The following LRRC4C variants were observed in gnomAD, a reference collection of about 807,000 sequenced individuals.
The protein encoded by LRRC4C is leucine rich repeat containing 4C, also known as leucine-rich repeat-containing protein 4C.
In LRRC4C, 5 loss-of-function variants were observed where a neutral mutation model predicts 33.6. The ratio of observed to expected loss-of-function variants is 0.15; its 90% CI spans 0.08 to 0.31. The LOEUF is 0.31. Among genes scored for constraint, LRRC4C ranks in the 10% least tolerant of loss-of-function variants. The pLI, the probability that LRRC4C is intolerant of heterozygous loss-of-function variation, is 1.00. For synonymous variants in LRRC4C, 329 were observed against 302.0 expected, an observed-to-expected ratio of 1.09 and a Z score of -0.93; for missense variants, 560 against 796.7, an observed-to-expected ratio of 0.70 and a Z score of 3.58.
Position 40,249,596 on chromosome 11 carries a change from T to C in LRRC4C, c.-175-7998A>G, listed in dbSNP as rs1318942221. Among the ~76,000 whole-genome samples, 3 of 150,264 alleles carry C rather than the reference T, an allele frequency of 2.0e-5. No individual in the cohort carries two copies. The East Asian group carries it at 5.8e-4, about 29-fold the overall frequency. On this transcript the variant is annotated intron_variant, in intron 4 of 6. Transcript: ENST00000528697. ...TAATCATATATGTATATATATGAAA[T>C]ATATTGTATATATGTATGCGTATAC...
chr11:40,538,722 G>C (rs973598586), intron 3 of LRRC4C, among the ~76,000 whole-genome samples: 1 of 152,210 alleles, frequency 6.6e-6, no homozygotes, highest in Non-Finnish European at 1.5e-5. Context: ...TTGCCACACT[G>C]TCTTCCACAG....
intron 1 of LRRC4C, among the ~76,000 whole-genome samples, chr11:41,411,338 C>A (rs2862304): frequency 1.3e-5 from 2 of 150,572 alleles, no homozygotes; most frequent in Non-Finnish European, 3.0e-5. Flanking sequence ...TTAGTGGAGA[C>A]GGGGTTTCAC....
chr11:41,082,934 C>T (rs374266237), intron 1 of LRRC4C, among the ~76,000 whole-genome samples: 2 of 152,104 alleles, frequency 1.3e-5, no homozygotes, highest in Admixed American at 6.5e-5. Context: ...TCCTTTTTCA[C>T]CAATGAGTGG....
At chr11:40,179,772 C>T (rs1356649731) in intron 5 of LRRC4C, among the ~76,000 whole-genome samples, 2 of 152,180 alleles carry the variant, frequency 1.3e-5, no homozygotes, top group East Asian at 1.9e-4. Flanking sequence ...CTAAAGCATA[C>T]AACCTCATAA....
chr11:40,363,567 G>GT (rs1270841429), intron 3 of LRRC4C, among the ~76,000 whole-genome samples: 3 of 150,252 alleles, frequency 2.0e-5, no homozygotes, highest in Admixed American at 2.0e-4. Context: ...TAAAATAAAA[G>GT]TAAAAAAAAA....
intron 1 of LRRC4C, among the ~76,000 whole-genome samples, chr11:41,157,877 G>T (rs896570872): frequency 4.0e-5 from 6 of 151,734 alleles, no homozygotes; most frequent in African/African-American, 1.5e-4. Flanking sequence ...CATCCCCCAA[G>T]CGTTTATCCA....
intron 1 of LRRC4C, among the ~76,000 whole-genome samples, chr11:41,144,917 C>T (rs1485325963): frequency 1.3e-5 from 2 of 152,094 alleles, no homozygotes; most frequent in Non-Finnish European, 2.9e-5. Context: ...GTTTTGAAGG[C>T]TAAGACTAGA....
At chr11:40,731,244 G>A (rs1040694012) in intron 2 of LRRC4C, among the ~76,000 whole-genome samples, 13 of 152,028 alleles carry the variant, frequency 8.6e-5, no homozygotes, top group African/African-American at 2.9e-4. Context: ...GCGTGAACCC[G>A]GGAGGCGGAG....
At position 40,947,566 on chromosome 11, in the gene LRRC4C, A is replaced by G. The variant is rs182014571; in HGVS notation, c.-495-13843T>C. ...AACCAAAGAGTGAGTGTAGGGCACT[A>G]TCCCCTCTCTTCTTATGGTGTTTTT... is the stretch of plus-strand genomic sequence containing the variant. On this transcript the variant is annotated intron_variant, in intron 1 of 6. Coordinates refer to ENST00000528697, the MANE Select transcript of LRRC4C (RefSeq NM_001258419.2). Among the ~76,000 whole-genome samples, 279 of 152,126 alleles carry G rather than the reference A, an allele frequency of 1.8e-3. 1 individual carries two copies. The highest frequency in any genetic ancestry group is 6.3e-3 in the African/African-American group (260 of 41,522).
intron 2 of LRRC4C, among the ~76,000 whole-genome samples, chr11:40,848,514 T>A (rs1953313268): frequency 6.6e-6 from 1 of 152,174 alleles, no homozygotes; most frequent in South Asian, 2.1e-4. Context: ...AGAGTCAGTT[T>A]TTTATGATTT....
chr11:41,030,009 C>T (rs377515206), intron 1 of LRRC4C, among the ~76,000 whole-genome samples: 10 of 151,806 alleles, frequency 6.6e-5, no homozygotes, highest in East Asian at 3.9e-4. Context: ...AAGCTTGATA[C>T]TGCAGGGTGA....
intron 1 of LRRC4C, among the ~76,000 whole-genome samples, chr11:41,177,000 A>T (rs1298491793): frequency 6.6e-6 from 1 of 151,208 alleles, no homozygotes; most frequent in Non-Finnish European, 1.5e-5. Flanking sequence ...AACAAAACAA[A>T]ACAAAACAAA....
intron 4 of LRRC4C, among the ~76,000 whole-genome samples, chr11:40,308,888 G>A (rs1378629468): frequency 6.6e-6 from 1 of 152,178 alleles, no homozygotes; most frequent in Non-Finnish European, 1.5e-5. Flanking sequence ...GGTTACATGA[G>A]CCAATAAAAC....
chr11:41,148,537 C>G (rs560105426), intron 1 of LRRC4C, among the ~76,000 whole-genome samples: 2 of 152,144 alleles, frequency 1.3e-5, no homozygotes, highest in South Asian at 4.1e-4. Context: ...AAATCTATGG[C>G]ACAGTTCTAG....
At chr11:40,440,575 A>G (rs1478425343) in intron 3 of LRRC4C, among the ~76,000 whole-genome samples, 1 of 152,180 alleles carries the variant, frequency 6.6e-6, no homozygotes, top group Non-Finnish European at 1.5e-5. Flanking sequence ...AAGAATTTTC[A>G]TATTCATTCT....
intron 1 of LRRC4C, among the ~76,000 whole-genome samples, chr11:40,978,681 G>T (rs1380209661): frequency 6.7e-6 from 1 of 150,366 alleles, no homozygotes; most frequent in Non-Finnish European, 1.5e-5. Context: ...GAGTGCAGTG[G>T]TGCACTCTCA....
At chr11:40,285,040 A>C (rs2136492045) in intron 4 of LRRC4C, among the ~76,000 whole-genome samples, 1 of 152,278 alleles carries the variant, frequency 6.6e-6, no homozygotes, top group East Asian at 1.9e-4. Context: ...TAATTTAATA[A>C]AAACAGTAGT....
At chr11:40,965,187 C>T (rs968374602) in intron 1 of LRRC4C, among the ~76,000 whole-genome samples, 1 of 152,268 alleles carries the variant, frequency 6.6e-6, no homozygotes, top group Middle Eastern at 3.4e-3. Flanking sequence ...AGTGTCTGTT[C>T]ATATCCTTCG....
At chr11:40,625,399 G>C (rs1171322467) in intron 3 of LRRC4C, among the ~76,000 whole-genome samples, 2 of 152,152 alleles carry the variant, frequency 1.3e-5, no homozygotes, top group African/African-American at 4.8e-5. Flanking sequence ...GAGGAGCAAA[G>C]GCACATCTTA....
Sources: gnomAD v4.1 joint callset for allele counts (sites outside exome capture counted in the v4.1 genomes callset) on GRCh38, gnomAD v4.1.1 for gene constraint, MANE v1.5 for transcripts, NCBI Gene and HGNC (gene_info 2026-07-23, HGNC 2026-07-21) for gene names.